Variants in ZNF407 observed in about 807,000 individuals in gnomAD.
The protein encoded by ZNF407 is zinc finger protein 407.
Under a neutral mutation model 131.2 loss-of-function variants are expected in ZNF407, and 17 were observed. The observed-to-expected ratio is 0.13, with a 90% confidence interval of 0.09 to 0.19. ZNF407 has a LOEUF of 0.19. ZNF407 is among the 10% of genes least tolerant of loss of function. The pLI is 1.00. For missense variants in ZNF407, 2,681 were observed against 2,830.6 expected (o/e 0.95, Z 1.20); for synonymous variants, 1,156 against 1,062.0 (o/e 1.09, Z -1.72).
intron 8 of ZNF407, among the ~76,000 whole-genome samples, chr18:75,047,345 C>G (rs1431423523): frequency 6.6e-6 from 1 of 152,144 alleles, no homozygotes; most frequent in African/African-American, 2.4e-5. Flanking sequence ...AAAGCAGGGA[C>G]GGCCCTTCCT....
intron 8 of ZNF407, among the ~76,000 whole-genome samples, chr18:74,944,838 C>T (rs951578697): frequency 6.6e-6 from 1 of 152,146 alleles, no homozygotes; most frequent in Non-Finnish European, 1.5e-5. Flanking sequence ...TTGAGTGCCA[C>T]GTCACTATTC....
chr18:75,012,181 A>G (rs1972981967), intron 8 of ZNF407, among the ~76,000 whole-genome samples: 1 of 152,108 alleles, frequency 6.6e-6, no homozygotes, highest in African/African-American at 2.4e-5. Flanking sequence ...GTCCTTGGGC[A>G]CCTGTGCTGA....
intron 4 of ZNF407, among the ~76,000 whole-genome samples, chr18:74,840,556 T>C (rs1359918166): frequency 2.6e-5 from 4 of 152,192 alleles, no homozygotes; most frequent in African/African-American, 9.7e-5. Flanking sequence ...ATTTTATTTT[T>C]TGAACATTGA....
chr18:74,743,056 G>T (rs144125884), intron 3 of ZNF407, among the ~76,000 whole-genome samples: 38 of 152,250 alleles, frequency 2.5e-4, no homozygotes, highest in Middle Eastern at 3.4e-3. Context: ...TAATGCAAGC[G>T]TTGATGGAAT....
At chr18:74,879,936 ACAC>A (rs1971215596) in intron 5 of ZNF407, among the ~76,000 whole-genome samples, 1 of 152,224 alleles carries the variant, frequency 6.6e-6, no homozygotes, top group Admixed American at 6.5e-5. Flanking sequence ...AATTTCCAAA[ACAC>A]CACAAGTTAA....
intron 3 of ZNF407, among the ~76,000 whole-genome samples, chr18:74,767,856 C>T (rs370118135): frequency 5.3e-5 from 7 of 133,236 alleles, no homozygotes; most frequent in East Asian, 2.2e-4. Flanking sequence ...TTAGTAGAGA[C>T]GGGGTTTCAC....
intron 3 of ZNF407, among the ~76,000 whole-genome samples, chr18:74,757,397 C>A (rs1310492308): frequency 6.6e-6 from 1 of 151,832 alleles, no homozygotes. Flanking sequence ...TTTGTGATTT[C>A]TTCTTTGACC....
intron 4 of ZNF407, chr18:74,803,941 A>T: frequency 1.3e-6 from 2 of 1,549,872 alleles, no homozygotes; most frequent in Non-Finnish European, 1.7e-6. Context: ...CAATTTAACA[A>T]ACTTGATTGT....
intron 3 of ZNF407, among the ~76,000 whole-genome samples, chr18:74,744,196 C>T (rs2061352): frequency 0.94 from 142,914 of 152,244 alleles, 67,699 homozygotes; most frequent in East Asian, 1. Flanking sequence ...TCATCTACTT[C>T]GCTGTTATGT....
intron 3 of ZNF407, among the ~76,000 whole-genome samples, chr18:74,667,269 C>T (rs1179137901): frequency 6.6e-6 from 1 of 152,154 alleles, no homozygotes; most frequent in Admixed American, 6.5e-5. Flanking sequence ...GTGCTTTTGC[C>T]ATTGCCGATC....
At chr18:74,921,917 C>G (rs146417343) in intron 8 of ZNF407, among the ~76,000 whole-genome samples, 1 of 152,336 alleles carries the variant, frequency 6.6e-6, no homozygotes, top group East Asian at 1.9e-4. Flanking sequence ...TTAAGTTAGA[C>G]TAGTTTTCTT....
At chr18:74,873,712 T>TAA (rs71170328) in intron 4 of ZNF407, among the ~76,000 whole-genome samples, 7 of 141,088 alleles carry the variant, frequency 5.0e-5, no homozygotes, top group Middle Eastern at 3.6e-3. Context: ...CCCTGGCTCT[T>TAA]AAAAAAAAAA....
intron 1 of ZNF407, among the ~76,000 whole-genome samples, chr18:74,602,794 T>A (rs1982638673): frequency 6.6e-6 from 1 of 152,234 alleles, no homozygotes; most frequent in African/African-American, 2.4e-5. Flanking sequence ...ACATTTTTTT[T>A]AGCTCCTCTT....
At chr18:74,937,756 A>T (rs1278047147) in intron 8 of ZNF407, among the ~76,000 whole-genome samples, 1 of 152,220 alleles carries the variant, frequency 6.6e-6, no homozygotes, top group Non-Finnish European at 1.5e-5. Flanking sequence ...TTGCTTAGCA[A>T]AATACAATTT....
chr18:75,045,652 C>T (rs1179931225), intron 8 of ZNF407, among the ~76,000 whole-genome samples: 4 of 152,178 alleles, frequency 2.6e-5, no homozygotes, highest in East Asian at 1.9e-4. Flanking sequence ...ATTGATCCAC[C>T]GCTTTCTTTG....
chr18:74,849,164 C>T (rs1229163007), intron 4 of ZNF407, among the ~76,000 whole-genome samples: 2 of 151,154 alleles, frequency 1.3e-5, no homozygotes, highest in East Asian at 1.9e-4. Context: ...CTGCAACCTC[C>T]GCCTCCCGGT....
At chr18:74,915,339 T>TGTGTGTGTGTGC (rs1226143734) in intron 7 of ZNF407, among the ~76,000 whole-genome samples, 18 of 150,550 alleles carry the variant, frequency 1.2e-4, no homozygotes, top group African/African-American at 4.2e-4. Flanking sequence ...TGTGTGTGTG[T>TGTGTGTGTGTGC]GTGTGTGTGT....
chr18:74,868,566 G>T (rs1971044290), intron 4 of ZNF407, among the ~76,000 whole-genome samples: 1 of 152,154 alleles, frequency 6.6e-6, no homozygotes, highest in South Asian at 2.1e-4. Context: ...TTAAAATTGT[G>T]CAACTTGATT....
chr18:75,064,086 A>G lies in ZNF407; in HGVS notation c.6365A>G (p.Gln2122Arg). The G allele has an allele frequency of 6.3e-7, 1 of 1,590,440 alleles. No homozygotes were observed. Among genetic ancestry groups the G allele is most frequent in the Non-Finnish European group, 8.6e-7 (1 of 1,169,170 alleles). Residue 2122 changes from glutamine to arginine, a missense_variant, in exon 9 of 9, where the codon CAG (glutamine) becomes CGG (arginine). Transcript: ENST00000299687. Reference sequence around the variant, plus strand: ...CACATGGTCGCCGGGGAGGGTGCCCAGATCATCATGCAGGAGGCGCAGGGC... The same window carrying G: ...CACATGGTCGCCGGGGAGGGTGCCCGGATCATCATGCAGGAGGCGCAGGGC... The part of the protein sequence containing the change: ...AVHMVAGEGA[Q>R]IIMQEAQGEH...
Sources: allele counts gnomAD v4.1 joint callset (sites outside exome capture counted in the v4.1 genomes callset), GRCh38; gene constraint gnomAD v4.1.1; transcripts MANE v1.5; gene names NCBI Gene and HGNC (gene_info 2026-07-23, HGNC 2026-07-21).